Variants in CYP19A1 observed in about 807,000 individuals in gnomAD.
The protein encoded by CYP19A1 is cytochrome P450 family 19 subfamily A member 1.
A neutral mutation model predicts 44.4 loss-of-function variants in CYP19A1; 32 were observed. The ratio of observed to expected loss-of-function variants is 0.72; its 90% CI spans 0.54 to 0.97. The LOEUF is 0.97. CYP19A1 is among the 50% of genes least tolerant of loss of function. The probability of loss-of-function intolerance (pLI) is 0.00; values close to 1 mark genes in which losing one functional copy is unlikely to be tolerated. For missense variants in CYP19A1, 598 were observed against 637.8 expected, an observed-to-expected ratio of 0.94 and a Z score of 0.67; for synonymous variants, 212 against 215.6, an observed-to-expected ratio of 0.98 and a Z score of 0.14.
intron 1 of CYP19A1, among the ~76,000 whole-genome samples, chr15:51,325,748 G>A (rs1214959032): frequency 1.4e-5 from 2 of 141,872 alleles, no homozygotes; most frequent in Non-Finnish European, 3.0e-5. Context: ...TGAGGCAAGA[G>A]AATCGCTTGA....
intron 1 of CYP19A1, among the ~76,000 whole-genome samples, chr15:51,309,982 A>T (rs1340005692): frequency 1.3e-5 from 2 of 152,188 alleles, no homozygotes; most frequent in Non-Finnish European, 2.9e-5. Flanking sequence ...TGTCTACCCA[A>T]ATAAGGTAGA....
intron 1 of CYP19A1, among the ~76,000 whole-genome samples, chr15:51,302,553 C>T (rs2036136437): frequency 6.6e-6 from 1 of 152,186 alleles, no homozygotes; most frequent in African/African-American, 2.4e-5. Context: ...TCCTTGGTGT[C>T]CTCTTACTAG....
intron 1 of CYP19A1, among the ~76,000 whole-genome samples, chr15:51,331,613 T>C (rs182411505): frequency 8.6e-4 from 130 of 151,176 alleles, no homozygotes; most frequent in Non-Finnish European, 1.7e-3. Flanking sequence ...CTGGATAGAA[T>C]GGGGGCGAGT....
intron 1 of CYP19A1, among the ~76,000 whole-genome samples, chr15:51,301,572 G>T (rs543038347): frequency 2.0e-5 from 3 of 152,190 alleles, no homozygotes; most frequent in Admixed American, 6.5e-5. Context: ...CTGACCCCCC[G>T]CGTGCCTTCC....
At chr15:51,271,874 A>T (rs570146986) in intron 1 of CYP19A1, among the ~76,000 whole-genome samples, 1 of 152,250 alleles carries the variant, frequency 6.6e-6, no homozygotes, top group African/African-American at 2.4e-5. Flanking sequence ...GGTGTTCACA[A>T]TCTGGTGATA....
At chr15:51,238,716 G>C (rs768604923) in intron 2 of CYP19A1, among the ~76,000 whole-genome samples, 8 of 152,212 alleles carry the variant, frequency 5.3e-5, no homozygotes, top group Non-Finnish European at 1.0e-4. Context: ...ACGCAGGAGA[G>C]ATATATCTAC....
At chr15:51,291,247 G>C (rs981716200) in intron 1 of CYP19A1, among the ~76,000 whole-genome samples, 20 of 152,154 alleles carry the variant, frequency 1.3e-4, no homozygotes, top group African/African-American at 4.6e-4. Context: ...GGTAGGCAGA[G>C]ACACTGGTTG....
intron 1 of CYP19A1, among the ~76,000 whole-genome samples, chr15:51,250,287 C>T (rs1288977125): frequency 1.3e-5 from 2 of 152,244 alleles, no homozygotes; most frequent in South Asian, 2.1e-4. Flanking sequence ...TCTCACTCAC[C>T]TCTGAGGTTC....
intron 3 of CYP19A1, 152 bp from the exon 4 acceptor site, chr15:51,228,085 T>C: frequency 1.4e-6 from 1 of 693,208 alleles, no homozygotes; most frequent in South Asian, 1.5e-5. Context: ...TAAGCACTTC[T>C]GTTAGCATGA....
chr15:51,332,780 T>A (rs1053531908), intron 1 of CYP19A1, among the ~76,000 whole-genome samples: 1 of 152,220 alleles, frequency 6.6e-6, no homozygotes, highest in Non-Finnish European at 1.5e-5. Flanking sequence ...CTTCACACGA[T>A]TGGCCTCAAT....
chr15:51,311,714 A>C (rs903809712), intron 1 of CYP19A1, among the ~76,000 whole-genome samples: 1 of 152,198 alleles, frequency 6.6e-6, no homozygotes, highest in Admixed American at 6.5e-5. Flanking sequence ...CTCCTCACTT[A>C]TCTGGACTCT....
intron 1 of CYP19A1, among the ~76,000 whole-genome samples, chr15:51,323,477 G>A (rs534785306): frequency 6.6e-6 from 1 of 151,780 alleles, no homozygotes; most frequent in East Asian, 1.9e-4. Context: ...AAAATTTTTG[G>A]ATTTGGATGT....
intron 1 of CYP19A1, among the ~76,000 whole-genome samples, chr15:51,272,029 G>A (rs11632926): frequency 0.44 from 67,006 of 151,982 alleles, 14,939 homozygotes; most frequent in African/African-American, 0.48. Context: ...TTGTGCCTCA[G>A]TGTGGAACTC....
At chr15:51,317,666 A>C (rs1206899100) in intron 1 of CYP19A1, among the ~76,000 whole-genome samples, 1 of 152,234 alleles carries the variant, frequency 6.6e-6, no homozygotes, top group African/African-American at 2.4e-5. Flanking sequence ...CCATGTGGGC[A>C]TGAAGAGGAC....
At chr15:51,285,103 T>A (rs949135018) in intron 1 of CYP19A1, among the ~76,000 whole-genome samples, 3 of 152,248 alleles carry the variant, frequency 2.0e-5, no homozygotes, top group Non-Finnish European at 4.4e-5. Context: ...GAGAAACTGC[T>A]GGAGCGCCAG....
chr15:51,308,479 G>A (rs1169224878), intron 1 of CYP19A1, among the ~76,000 whole-genome samples: 6 of 152,074 alleles, frequency 3.9e-5, no homozygotes, highest in Non-Finnish European at 8.8e-5. Context: ...TCCCAGGGAG[G>A]TATAGGTCTG....
chr15:51,232,637 CTT>C (rs923452009), intron 3 of CYP19A1, among the ~76,000 whole-genome samples: 1 of 151,672 alleles, frequency 6.6e-6, no homozygotes, highest in Admixed American at 6.6e-5. Context: ...CACTTTGACT[CTT>C]TTTTTTTCTC....
At chr15:51,244,215 T>G (rs932805661) in intron 1 of CYP19A1, among the ~76,000 whole-genome samples, 2 of 152,260 alleles carry the variant, frequency 1.3e-5, no homozygotes, top group Non-Finnish European at 2.9e-5. Flanking sequence ...TTCATCAGAT[T>G]CTTAAGGAGT....
intron 1 of CYP19A1, among the ~76,000 whole-genome samples, chr15:51,308,398 T>C (rs139646352): frequency 6.0e-4 from 92 of 152,316 alleles, no homozygotes; most frequent in Non-Finnish European, 1.0e-3. Flanking sequence ...TTTCTTCCTT[T>C]GTTTCATAGT....
Sources: gnomAD v4.1 joint callset for allele counts (sites outside exome capture counted in the v4.1 genomes callset) on GRCh38, gnomAD v4.1.1 for gene constraint, MANE v1.5 for transcripts, NCBI Gene and HGNC (gene_info 2026-07-23, HGNC 2026-07-21) for gene names.